NIN: variants seen among roughly 807,000 people sequenced by gnomAD.
NIN encodes the protein glycogen synthase kinase 3 beta-interacting protein.
A neutral mutation model predicts 257.6 loss-of-function variants in NIN; 137 were observed. That is an observed-to-expected ratio of 0.53 (90% confidence interval 0.46 to 0.61). NIN has a LOEUF of 0.61. NIN is among the 20% of genes least tolerant of loss of function. NIN has a pLI of 0.00. For missense variants in NIN, 2,439 were observed against 2,501.2 expected (o/e 0.98, Z 0.53); for synonymous variants, 918 against 919.8 (o/e 1.00, Z 0.04).
At chr14:50,733,720 A>G (rs2040833160) in intron 28 of NIN, among the ~76,000 whole-genome samples, 1 of 152,230 alleles carries the variant, frequency 6.6e-6, no homozygotes, top group African/African-American at 2.4e-5. Context: ...GATACTAGAC[A>G]TATGGGCTTA....
At chr14:50,812,799 C>CTT (rs2044698156) in intron 3 of NIN, among the ~76,000 whole-genome samples, 1 of 152,164 alleles carries the variant, frequency 6.6e-6, no homozygotes, top group Non-Finnish European at 1.5e-5. Context: ...AAAAGGGGCT[C>CTT]TATAAAAGAT....
intron 12 of NIN, among the ~76,000 whole-genome samples, 186 bp from the exon 13 acceptor site, chr14:50,767,076 A>C (rs2042518365): frequency 6.6e-6 from 1 of 152,232 alleles, no homozygotes. Flanking sequence ...ACAACAAAAT[A>C]AGTTTGCCCT....
intron 3 of NIN, among the ~76,000 whole-genome samples, chr14:50,809,551 T>C (rs923314619): frequency 6.6e-6 from 1 of 152,192 alleles, no homozygotes; most frequent in African/African-American, 2.4e-5. Flanking sequence ...GATTTCAGAT[T>C]CTTTAACTTG....
At chr14:50,748,868 G>A (rs981313447) in intron 21 of NIN, among the ~76,000 whole-genome samples, 3 of 152,156 alleles carry the variant, frequency 2.0e-5, no homozygotes, top group African/African-American at 7.2e-5. Flanking sequence ...TCAATATCGT[G>A]AAAATGGCCA....
intron 30 of NIN, among the ~76,000 whole-genome samples, chr14:50,725,237 G>GC (rs1411664583): frequency 2.0e-5 from 3 of 151,640 alleles, no homozygotes; most frequent in Non-Finnish European, 4.4e-5. Flanking sequence ...GGCATTTTCT[G>GC]CCCCCCACCC....
intron 30 of NIN, 25 bp from the exon 31 acceptor site, chr14:50,723,697 T>TC: frequency 6.2e-7 from 1 of 1,602,398 alleles, no homozygotes; most frequent in Non-Finnish European, 8.5e-7. Context: ...AGAAACATCT[T>TC]GACTCCATTT....
rs1175046363 is a variant in NIN, at chr14:50,830,527, G to C, written c.-75-10C>G. 1 of 167,784 alleles carries C rather than the reference G, an allele frequency of 6.0e-6. No homozygotes were observed. The highest frequency in any genetic ancestry group is 1.5e-5 in the Non-Finnish European group (1 of 68,278). The allele number at this position is 167,784 out of a possible 1,614,324, so 10.4% of individuals were successfully genotyped here. A position where few individuals can be genotyped will look rare whatever the true frequency, so the allele number is the denominator to read the frequency against. On this transcript the variant is annotated splice_polypyrimidine_tract_variant and intron_variant, in intron 1 of 30. Transcript: ENST00000530997. ...GCCCGCCTCCAGCGCTCTGCAAAGC[G>C]AAGGAGGACGCTTTGTTAGGGCTGG...
chr14:50,755,215 T>A lies in NIN; in HGVS notation c.4539-348A>T, dbSNP rs2041966570. On this transcript the variant is annotated intron_variant, in intron 18 of 30. Transcript: ENST00000530997. ...TATCTCAGTCTCAAGTCCTACCTGT[T>A]CTGAATACACATAAGCCATGTTACA... is the stretch of plus-strand genomic sequence containing the variant. 2.6e-5 allele frequency among the ~76,000 whole-genome samples: 4 copies of A among 152,278 alleles called. No homozygotes were observed. The South Asian group carries it at 8.3e-4, about 32-fold the overall frequency.
At chr14:50,739,738 T>C (rs2041181207) in intron 25 of NIN, among the ~76,000 whole-genome samples, 1 of 152,274 alleles carries the variant, frequency 6.6e-6, no homozygotes, top group South Asian at 2.1e-4. Context: ...AGCCATGCCA[T>C]GTCCAATAAT....
Position 50,743,535 on chromosome 14 carries a change from T to C in NIN, c.5188-6A>G. ...AAAAGACTTGATTTTGCCAACTGTT[T>C]CAGGAAGGGAAAAAGAGGTAAGAGG... On this transcript the variant is annotated splice_region_variant and splice_polypyrimidine_tract_variant and intron_variant, in intron 23 of 30. Coordinates refer to ENST00000530997, the MANE Select transcript of NIN (RefSeq NM_020921.4). 6.3e-7 allele frequency: 1 copy of C among 1,596,666 alleles called. No individual in the cohort carries two copies. The highest frequency in any genetic ancestry group is 8.6e-7 in the Non-Finnish European group (1 of 1,164,342).
chr14:50,752,955 G>A (rs971620323), intron 20 of NIN, among the ~76,000 whole-genome samples: 3 of 152,120 alleles, frequency 2.0e-5, no homozygotes, highest in African/African-American at 7.2e-5. Context: ...CTCTACAGGG[G>A]AGCCCATTGT....
At position 50,720,488 on chromosome 14, in the gene NIN, G is replaced by A. The variant is rs2140292807; in HGVS notation, c.*2975C>T. ...CATAATATCTGCCCTGGGTAATAGT[G>A]CATTATTAAAATACTAGACCTGCAA... On this transcript the variant is annotated 3_prime_UTR_variant, in exon 31 of 31. Coordinates refer to ENST00000530997, the MANE Select transcript of NIN (RefSeq NM_020921.4). 1 of 209,708 alleles carries A rather than the reference G, an allele frequency of 4.8e-6. No individual in the cohort carries two copies. The highest frequency in any genetic ancestry group is 7.2e-5 in the East Asian group (1 of 13,826). The allele number at this position is 209,708 out of a possible 1,614,324, so 13.0% of individuals were successfully genotyped here.
chr14:50,811,596 TC>T (rs1224425892), intron 3 of NIN, among the ~76,000 whole-genome samples: 2 of 123,620 alleles, frequency 1.6e-5, no homozygotes. Flanking sequence ...GGGCAAAAGA[TC>T]CAGGTATTAA....
chr14:50,802,704 T>C (rs2044151563), intron 4 of NIN, among the ~76,000 whole-genome samples: 1 of 149,460 alleles, frequency 6.7e-6, no homozygotes, highest in Non-Finnish European at 1.5e-5. Context: ...AGCTGAAGGA[T>C]TTTATGTATT....
At chr14:50,754,944 C>A in intron 18 of NIN, 77 bp from the exon 19 acceptor site, 2 of 992,212 alleles carry the variant, frequency 2.0e-6, no homozygotes, top group Non-Finnish European at 3.0e-6. Context: ...TAGTAACTTC[C>A]AAAAGGATGA....
At chr14:50,830,890 A>T (rs1227189857) in intron 1 of NIN, 116 bp downstream of exon 1, 4 of 151,150 alleles carry the variant, frequency 2.6e-5, no homozygotes, top group African/African-American at 9.7e-5. Flanking sequence ...CCCCCGAGTG[A>T]TCCGGTGCCC....
intron 28 of NIN, among the ~76,000 whole-genome samples, chr14:50,734,882 C>T (rs531817895): frequency 1.0e-4 from 15 of 145,206 alleles, no homozygotes; most frequent in Non-Finnish European, 1.4e-4. Flanking sequence ...GACAGGGTTT[C>T]GCCATGTTGC....
In NIN at chr14:50,739,432, C is replaced by CT; in HGVS notation, c.5503dup (p.Arg1835LysfsTer13). The CT allele has an allele frequency of 6.2e-7, 1 of 1,614,204 alleles. No homozygotes were observed. Among genetic ancestry groups the CT allele is most frequent in the Non-Finnish European group, 8.5e-7 (1 of 1,180,034 alleles). On this transcript the variant is annotated frameshift_variant, in exon 26 of 31. Transcript: ENST00000530997. LOFTEE classifies it high-confidence loss of function. ...ATGATCCAACTTGTCCCAGGACAGC[C>CT]TTTTCTGCTGGTTATGGAGCCCTGA...
intron 2 of NIN, among the ~76,000 whole-genome samples, chr14:50,826,108 A>G (rs953556340): frequency 1.3e-5 from 2 of 152,256 alleles, no homozygotes; most frequent in Non-Finnish European, 2.9e-5. Flanking sequence ...TGTGCAATCC[A>G]GTGCTTTTCA....
Sources: allele counts gnomAD v4.1 joint callset (sites outside exome capture counted in the v4.1 genomes callset), GRCh38; gene constraint gnomAD v4.1.1; transcripts MANE v1.5; gene names NCBI Gene and HGNC (gene_info 2026-07-23, HGNC 2026-07-21).